IL1RAPL2: variants seen among roughly 807,000 people sequenced by gnomAD.
IL1RAPL2 encodes X-linked interleukin-1 receptor accessory protein-like 2.
In IL1RAPL2, 3 loss-of-function variants were observed where a neutral mutation model predicts 44.1. The observed-to-expected ratio is 0.07, with a 90% CI of 0.03 to 0.18. The LOEUF is 0.18. IL1RAPL2 is among the 10% of genes least tolerant of loss of function. The pLI, the probability that IL1RAPL2 is intolerant of heterozygous loss-of-function variation, is 1.00. For synonymous variants in IL1RAPL2, 181 were observed against 178.8 expected, an observed-to-expected ratio of 1.01 and a Z score of -0.10; for missense variants, 391 against 496.4, an observed-to-expected ratio of 0.79 and a Z score of 2.02.
chrX:105,029,523 T>C (rs1225688386), intron 2 of IL1RAPL2, among the ~76,000 whole-genome samples: 2 of 105,923 alleles, frequency 1.9e-5, no homozygotes, highest in African/African-American at 6.9e-5. Flanking sequence ...GTCCTTGTGA[T>C]AGTTTGCTGA....
At chrX:104,574,528 A>G (rs1928209298) in intron 1 of IL1RAPL2, among the ~76,000 whole-genome samples, 1 of 112,154 alleles carries the variant, frequency 8.9e-6, no homozygotes, top group Non-Finnish European at 1.9e-5. Flanking sequence ...AATACCTTCT[A>G]TGACTTAGCA....
At chrX:105,604,687 C>T (rs899971822) in intron 6 of IL1RAPL2, among the ~76,000 whole-genome samples, 1 of 110,646 alleles carries the variant, frequency 9.0e-6, no homozygotes, top group Non-Finnish European at 1.9e-5. Flanking sequence ...CAGACAAGGA[C>T]GCATGCACAC....
intron 2 of IL1RAPL2, among the ~76,000 whole-genome samples, chrX:104,755,002 G>A (rs1932318860): frequency 9.0e-6 from 1 of 111,550 alleles, no homozygotes; most frequent in South Asian, 3.7e-4. Flanking sequence ...GATCACAAGG[G>A]TTAGGAAACC....
chrX:105,534,346 A>G (rs2036662729), intron 6 of IL1RAPL2, among the ~76,000 whole-genome samples: 1 of 112,060 alleles, frequency 8.9e-6, no homozygotes. Context: ...GGGGGTCATT[A>G]TAGTCAAAAT....
chrX:104,608,328 G>A (rs5916810), intron 1 of IL1RAPL2, among the ~76,000 whole-genome samples: 8 of 110,932 alleles, frequency 7.2e-5, no homozygotes, highest in Non-Finnish European at 1.1e-4. Flanking sequence ...CTATACCTAT[G>A]TAACAAAACT....
intron 2 of IL1RAPL2, among the ~76,000 whole-genome samples, chrX:105,122,152 A>T (rs1296782982): frequency 9.0e-6 from 1 of 111,704 alleles, no homozygotes; most frequent in Non-Finnish European, 1.9e-5. Context: ...CTATTTCAAT[A>T]GTACATGCAT....
chrX:105,325,576 T>TATATATATATATATATAC (rs61264130), intron 5 of IL1RAPL2, among the ~76,000 whole-genome samples: 3 of 93,743 alleles, frequency 3.2e-5, no homozygotes, highest in African/African-American at 1.2e-4. Context: ...TATATATATA[T>TATATATATATATATATAC]ACACATATGT....
At chrX:105,424,785 TA>T (rs902985393) in intron 5 of IL1RAPL2, among the ~76,000 whole-genome samples, 4 of 107,255 alleles carry the variant, frequency 3.7e-5, no homozygotes, top group Admixed American at 1.0e-4. Context: ...AAATAAAAAT[TA>T]AAAAAAAACA....
chrX:104,873,304 C>T (rs1436930102), intron 2 of IL1RAPL2, among the ~76,000 whole-genome samples: 1 of 111,408 alleles, frequency 9.0e-6, no homozygotes, highest in Non-Finnish European at 1.9e-5. Context: ...CCAAAAAAGC[C>T]CTACCACAAA....
chrX:104,610,410 A>C (rs1483586881), intron 1 of IL1RAPL2, among the ~76,000 whole-genome samples: 3 of 112,021 alleles, frequency 2.7e-5, no homozygotes, highest in Non-Finnish European at 5.6e-5. Context: ...AATCTCCTTA[A>C]GCTGATAAGC....
chrX:105,439,151 G>A (rs911391654), intron 5 of IL1RAPL2, among the ~76,000 whole-genome samples: 1 of 111,354 alleles, frequency 9.0e-6, no homozygotes, highest in Non-Finnish European at 1.9e-5. Flanking sequence ...AAACCATTTT[G>A]TTTATAAATT....
At chrX:104,950,045 T>TG (rs1925526641) in intron 2 of IL1RAPL2, among the ~76,000 whole-genome samples, 1 of 111,251 alleles carries the variant, frequency 9.0e-6, no homozygotes, top group African/African-American at 3.3e-5. Context: ...TATTAATGTG[T>TG]GGGAGTCTAA....
At chrX:104,706,205 T>C (rs183877270) in intron 2 of IL1RAPL2, among the ~76,000 whole-genome samples, 6 of 111,313 alleles carry the variant, frequency 5.4e-5, no homozygotes, top group Admixed American at 9.6e-5. Context: ...CTATGCCCCA[T>C]TTGTCTTATC....
chrX:104,607,566 G>A (rs1052138943), intron 1 of IL1RAPL2, among the ~76,000 whole-genome samples: 20 of 111,542 alleles, frequency 1.8e-4, no homozygotes, highest in African/African-American at 5.5e-4. Context: ...TCAAAAAGTC[G>A]GCAAAGAATA....
intron 2 of IL1RAPL2, among the ~76,000 whole-genome samples, chrX:104,990,086 A>G (rs535921355): frequency 6.2e-4 from 69 of 111,873 alleles, no homozygotes; most frequent in Admixed American, 5.6e-3. Flanking sequence ...GTTCTGTACT[A>G]GATGTTGTTG....
intron 5 of IL1RAPL2, among the ~76,000 whole-genome samples, chrX:105,365,680 G>C (rs927841459): frequency 1.8e-5 from 2 of 111,427 alleles, no homozygotes; most frequent in South Asian, 7.5e-4. Flanking sequence ...CTAATTTGTT[G>C]ATGTATAGTT....
chrX:105,400,847 A>C (rs956143480), intron 5 of IL1RAPL2, among the ~76,000 whole-genome samples: 1 of 111,821 alleles, frequency 8.9e-6, no homozygotes, highest in African/African-American at 3.2e-5. Flanking sequence ...GGTCTTGACT[A>C]TTATCTTACT....
chrX:105,066,352 C>T (rs2032137221), intron 2 of IL1RAPL2, among the ~76,000 whole-genome samples: 1 of 111,321 alleles, frequency 9.0e-6, no homozygotes, highest in South Asian at 3.9e-4. Context: ...TACTGAGTAA[C>T]AGTTCCTTGA....
chrX:105,536,712 T>C (rs2036680048), intron 6 of IL1RAPL2, among the ~76,000 whole-genome samples: 1 of 111,646 alleles, frequency 9.0e-6, no homozygotes. Context: ...CACATGAGAG[T>C]TTCTATTTCA....
Sources: allele counts gnomAD v4.1 joint callset (sites outside exome capture counted in the v4.1 genomes callset), GRCh38; gene constraint gnomAD v4.1.1; transcripts MANE v1.5; gene names NCBI Gene and HGNC (gene_info 2026-07-23, HGNC 2026-07-21).